Variants in UBE2E2 observed in about 807,000 individuals in gnomAD.
The protein encoded by UBE2E2 is ubiquitin-conjugating enzyme E2 E2.
Under a neutral mutation model 24.7 loss-of-function variants are expected in UBE2E2, and 6 were observed. The ratio of observed to expected loss-of-function variants is 0.24; its 90% CI spans 0.13 to 0.48. UBE2E2 has a LOEUF of 0.48. Among genes scored for constraint, UBE2E2 ranks in the 20% least tolerant of loss-of-function variants. The pLI, the probability that UBE2E2 is intolerant of heterozygous loss-of-function variation, is 0.99. For missense variants in UBE2E2, 169 were observed against 245.0 expected, an observed-to-expected ratio of 0.69 and a Z score of 2.07; for synonymous variants, 104 against 83.6, an observed-to-expected ratio of 1.24 and a Z score of -1.33.
chr3:23,221,786 G>A (rs1231853054), intron 3 of UBE2E2, among the ~76,000 whole-genome samples: 25 of 152,130 alleles, frequency 1.6e-4, no homozygotes, highest in African/African-American at 3.4e-4. Context: ...ACAGGCGTGC[G>A]CCACCATGCC....
chr3:23,343,147 T>G (rs997568853), intron 3 of UBE2E2, among the ~76,000 whole-genome samples: 1 of 152,080 alleles, frequency 6.6e-6, no homozygotes, highest in Non-Finnish European at 1.5e-5. Flanking sequence ...ATTTTCTTAT[T>G]TTTAAAATAT....
At chr3:23,305,440 A>T (rs1279144452) in intron 3 of UBE2E2, among the ~76,000 whole-genome samples, 1 of 152,242 alleles carries the variant, frequency 6.6e-6, no homozygotes, top group Non-Finnish European at 1.5e-5. Flanking sequence ...TTTTAACTGC[A>T]GTTAGTACAG....
At chr3:23,571,100 A>T (rs1404955619) in intron 5 of UBE2E2, among the ~76,000 whole-genome samples, 1 of 151,980 alleles carries the variant, frequency 6.6e-6, no homozygotes, top group African/African-American at 2.4e-5. Context: ...GGGTAATAGT[A>T]AACTGATTAA....
At chr3:23,299,144 T>C (rs1699000794) in intron 3 of UBE2E2, among the ~76,000 whole-genome samples, 1 of 151,904 alleles carries the variant, frequency 6.6e-6, no homozygotes, top group Non-Finnish European at 1.5e-5. Context: ...ATCCCCGTTA[T>C]CATTTTTTAT....
intron 3 of UBE2E2, among the ~76,000 whole-genome samples, chr3:23,298,287 C>G (rs1472683016): frequency 6.6e-6 from 1 of 152,010 alleles, no homozygotes; most frequent in Non-Finnish European, 1.5e-5. Flanking sequence ...ATTTCCTTCT[C>G]CTGCCTAATT....
At chr3:23,478,898 T>A (rs9840017) in intron 3 of UBE2E2, among the ~76,000 whole-genome samples, 3,721 of 60,918 alleles carry the variant, frequency 0.061, 136 homozygotes, top group African/African-American at 0.17. Context: ...ATATATATAT[T>A]TTTTTTTTAA....
chr3:23,378,236 TAAAAAAA>T (rs56808350), intron 3 of UBE2E2, among the ~76,000 whole-genome samples: 55,494 of 118,332 alleles, frequency 0.47, 11,263 homozygotes, highest in Admixed American at 0.56. Context: ...AAATAAGCAG[TAAAAAAA>T]AAAAAAAAAA....
intron 5 of UBE2E2, among the ~76,000 whole-genome samples, chr3:23,565,144 G>T (rs1307575352): frequency 6.6e-6 from 1 of 152,028 alleles, no homozygotes; most frequent in African/African-American, 2.4e-5. Context: ...GTTAAATATA[G>T]CTTCTCTTTA....
chr3:23,384,413 C>T (rs1696753726), intron 3 of UBE2E2, among the ~76,000 whole-genome samples: 3 of 152,148 alleles, frequency 2.0e-5, no homozygotes, highest in Admixed American at 2.0e-4. Flanking sequence ...GTCTTGCCAC[C>T]CCAGCCTTCA....
At chr3:23,338,443 T>G (rs1695276202) in intron 3 of UBE2E2, among the ~76,000 whole-genome samples, 1 of 152,174 alleles carries the variant, frequency 6.6e-6, no homozygotes, top group Admixed American at 6.6e-5. Context: ...TATGTGTATG[T>G]GTACATGTAT....
intron 3 of UBE2E2, among the ~76,000 whole-genome samples, chr3:23,429,079 T>C (rs1363959041): frequency 6.6e-6 from 1 of 152,018 alleles, no homozygotes; most frequent in African/African-American, 2.4e-5. Context: ...CTGCCAAAAT[T>C]CACACAAGAA....
rs1310409502 is a variant in UBE2E2 at position 23,585,767 on chromosome 3, T to C, written c.509-3967T>C. 5.3e-5 allele frequency among the ~76,000 whole-genome samples: 8 copies of C among 151,922 alleles called. No individual in the cohort carries two copies. In the East Asian group the frequency reaches 1.5e-3, roughly 29 times the overall value. The stretch of plus-strand genomic sequence containing the variant: ...TAAAGATTTGGGAAAATAGTAACAA[T>C]CTAGAAACCCAAAATGATGGGAAAT... On this transcript the variant is annotated intron_variant, in intron 5 of 5. Coordinates refer to ENST00000396703, the MANE Select transcript of UBE2E2 (RefSeq NM_152653.4).
intron 3 of UBE2E2, among the ~76,000 whole-genome samples, chr3:23,225,242 A>AT (rs35016740): frequency 0.19 from 28,002 of 147,796 alleles, 3,190 homozygotes; most frequent in Non-Finnish European, 0.27. Flanking sequence ...CATTCTGTGG[A>AT]TTTTTTTTTT....
At chr3:23,379,086 A>C (rs1696596674) in intron 3 of UBE2E2, among the ~76,000 whole-genome samples, 1 of 152,082 alleles carries the variant, frequency 6.6e-6, no homozygotes, top group African/African-American at 2.4e-5. Flanking sequence ...TTTCTTTTCA[A>C]AATGCTGTTT....
At chr3:23,422,750 A>G (rs139886260) in intron 3 of UBE2E2, among the ~76,000 whole-genome samples, 166 of 152,346 alleles carry the variant, frequency 1.1e-3, no homozygotes, top group African/African-American at 3.8e-3. Context: ...CAGACTAGAA[A>G]TAGAATAGGA....
chr3:23,490,591 C>T (rs541028747), intron 3 of UBE2E2, among the ~76,000 whole-genome samples: 1 of 152,174 alleles, frequency 6.6e-6, no homozygotes, highest in African/African-American at 2.4e-5. Flanking sequence ...ACGCACGTAA[C>T]ACAAAAAGAG....
At chr3:23,565,443 G>C (rs1276872872) in intron 5 of UBE2E2, among the ~76,000 whole-genome samples, 1 of 77,912 alleles carries the variant, frequency 1.3e-5, no homozygotes, top group Non-Finnish European at 2.4e-5. Flanking sequence ...AATAGGCATG[G>C]CTTTTTTTTT....
intron 3 of UBE2E2, among the ~76,000 whole-genome samples, chr3:23,264,307 G>A (rs757936944): frequency 6.6e-5 from 10 of 151,246 alleles, no homozygotes; most frequent in African/African-American, 1.2e-4. Flanking sequence ...TAGCTGGACC[G>A]TGAGTTTGAC....
chr3:23,402,822 A>C (rs532608182), intron 3 of UBE2E2, among the ~76,000 whole-genome samples: 1 of 152,308 alleles, frequency 6.6e-6, no homozygotes, highest in East Asian at 1.9e-4. Context: ...TGTGACACTC[A>C]CTTGAATACT....
Sources: gnomAD v4.1 joint callset for allele counts (sites outside exome capture counted in the v4.1 genomes callset) on GRCh38, gnomAD v4.1.1 for gene constraint, MANE v1.5 for transcripts, NCBI Gene and HGNC (gene_info 2026-07-23, HGNC 2026-07-21) for gene names.